UNC5C: variants seen among roughly 807,000 people sequenced by gnomAD.
UNC5C encodes unc-5 netrin receptor C.
Under a neutral mutation model 99.8 loss-of-function variants are expected in UNC5C, and 47 were observed. That is an observed-to-expected ratio of 0.47 (90% CI 0.37 to 0.60). UNC5C has a LOEUF of 0.60. Ranked by LOEUF, UNC5C falls within the 20% of genes least tolerant of loss-of-function variation. The probability of loss-of-function intolerance (pLI) is 0.00; values close to 1 mark genes in which losing one functional copy is unlikely to be tolerated. For missense variants in UNC5C, 1,062 were observed against 1,165.9 expected, an observed-to-expected ratio of 0.91 and a Z score of 1.30; for synonymous variants, 487 against 452.2, an observed-to-expected ratio of 1.08 and a Z score of -0.98.
chr4:95,442,539 C>G (rs1367750903), intron 1 of UNC5C, among the ~76,000 whole-genome samples: 1 of 151,354 alleles, frequency 6.6e-6, no homozygotes, highest in African/African-American at 2.4e-5. Flanking sequence ...GCTATGTTGC[C>G]CAGGCTGGCC....
chr4:95,410,861 C>T (rs1354142354), intron 1 of UNC5C, among the ~76,000 whole-genome samples: 5 of 152,132 alleles, frequency 3.3e-5, no homozygotes, highest in African/African-American at 9.7e-5. Flanking sequence ...CTAGCTCTGC[C>T]TCAGGGTTGA....
chr4:95,397,082 C>CT (rs1745535147), intron 1 of UNC5C, among the ~76,000 whole-genome samples: 1 of 152,104 alleles, frequency 6.6e-6, no homozygotes, highest in Admixed American at 6.6e-5. Flanking sequence ...GGTGGGCAGT[C>CT]TTGTGTGTAT....
At chr4:95,355,728 T>C in intron 1 of UNC5C, among the ~76,000 whole-genome samples, 1 of 152,078 alleles carries the variant, frequency 6.6e-6, no homozygotes, top group East Asian at 1.9e-4. Flanking sequence ...GGACTCTTGG[T>C]ACATAGCAAA....
At chr4:95,277,380 G>A (rs1160282397) in intron 4 of UNC5C, among the ~76,000 whole-genome samples, 2 of 152,176 alleles carry the variant, frequency 1.3e-5, no homozygotes, top group Non-Finnish European at 2.9e-5. Flanking sequence ...ATGTGTGCTT[G>A]GACTTGTAGG....
intron 14 of UNC5C, among the ~76,000 whole-genome samples, chr4:95,175,578 C>G (rs896139543): frequency 2.0e-5 from 3 of 152,176 alleles, no homozygotes; most frequent in Non-Finnish European, 4.4e-5. Flanking sequence ...GGCCCCCACT[C>G]CCTTCTGGCT....
At chr4:95,422,088 C>T (rs540607493) in intron 1 of UNC5C, among the ~76,000 whole-genome samples, 1 of 152,216 alleles carries the variant, frequency 6.6e-6, no homozygotes, top group Non-Finnish European at 1.5e-5. Context: ...TTCAAGACCT[C>T]ACTGACGACA....
chr4:95,436,409 C>T (rs1230615270), intron 1 of UNC5C, among the ~76,000 whole-genome samples: 1 of 151,928 alleles, frequency 6.6e-6, no homozygotes, highest in Non-Finnish European at 1.5e-5. Flanking sequence ...AAACAAAACT[C>T]ATAATTACTA....
Position 95,219,247 on chromosome 4 carries a change from A to G in UNC5C, c.1367T>C (p.Leu456Pro). The G allele has an allele frequency of 6.2e-7, 1 of 1,614,198 alleles. No homozygotes were observed. The highest frequency in any genetic ancestry group is 8.5e-7 in the Non-Finnish European group (1 of 1,180,032). ...TGGGATTTTGTCTGAGACGTCATGC[A>G]GGGCATAGACAGGTCCTCTGTACAT... ...AAMYRGPVYA[L>P]HDVSDKIPMT... The change falls in exon 9 of 16, where the codon CTG becomes CCG. Residue 456 changes from leucine to proline, a missense_variant. Around this residue, in one of 3 missense-constraint regions of UNC5C, gnomAD observed 810 missense variants for 854.5 expected, o/e 0.95. Coordinates refer to ENST00000453304, the MANE Select transcript of UNC5C (RefSeq NM_003728.4).
rs140173104 is a variant in UNC5C, at chr4:95,305,993, A to C, written c.347-4244T>G. 2.9e-4 allele frequency among the ~76,000 whole-genome samples: 44 copies of C among 152,272 alleles called. No homozygotes were observed. The East Asian group carries it at 8.1e-3, about 28-fold the overall frequency. On this transcript the variant is annotated intron_variant, in intron 2 of 15. Coordinates refer to ENST00000453304, the MANE Select transcript of UNC5C (RefSeq NM_003728.4). Reference sequence around the variant, plus strand: ...AATACTGTTTTTCTAGGATACTACCATAAAGTGAGCACAAATACATGCTTA... The same window carrying C: ...AATACTGTTTTTCTAGGATACTACCCTAAAGTGAGCACAAATACATGCTTA...
intron 4 of UNC5C, among the ~76,000 whole-genome samples, chr4:95,251,600 C>T (rs1011050273): frequency 1.3e-5 from 2 of 152,152 alleles, no homozygotes; most frequent in Non-Finnish European, 2.9e-5. Context: ...ACAGTTTTTT[C>T]CATAAAGCAA....
At chr4:95,259,805 G>A (rs929637304) in intron 4 of UNC5C, among the ~76,000 whole-genome samples, 1 of 152,002 alleles carries the variant, frequency 6.6e-6, no homozygotes, top group Non-Finnish European at 1.5e-5. Context: ...TGGTAATGAG[G>A]CATAAATGAT....
intron 1 of UNC5C, among the ~76,000 whole-genome samples, chr4:95,469,057 A>C (rs1747886111): frequency 6.6e-6 from 1 of 152,012 alleles, no homozygotes; most frequent in Non-Finnish European, 1.5e-5. Flanking sequence ...TCCAGTCATA[A>C]CCCTGACTGC....
chr4:95,416,943 G>A (rs1374381088), intron 1 of UNC5C, among the ~76,000 whole-genome samples: 2 of 152,180 alleles, frequency 1.3e-5, no homozygotes, highest in Non-Finnish European at 2.9e-5. Flanking sequence ...TTCTGGTCCA[G>A]AAATTTAAAG....
chr4:95,291,713 C>T (rs1741460820), intron 3 of UNC5C, among the ~76,000 whole-genome samples: 1 of 151,954 alleles, frequency 6.6e-6, no homozygotes, highest in Non-Finnish European at 1.5e-5. Flanking sequence ...TAGGAATAAC[C>T]TGATAATACA....
chr4:95,223,090 C>T (rs1194228009), intron 7 of UNC5C, among the ~76,000 whole-genome samples: 1 of 151,932 alleles, frequency 6.6e-6, no homozygotes, highest in Non-Finnish European at 1.5e-5. Context: ...TGGAAACTAA[C>T]AATAATAATG....
intron 4 of UNC5C, among the ~76,000 whole-genome samples, chr4:95,276,248 G>A (rs941644634): frequency 2.0e-5 from 3 of 152,102 alleles, no homozygotes; most frequent in Non-Finnish European, 1.5e-5. Flanking sequence ...GCCTGCTCTT[G>A]AGCATGTATG....
At chr4:95,184,886 G>A (rs995210432) in intron 13 of UNC5C, among the ~76,000 whole-genome samples, 161 bp downstream of exon 13, 1 of 152,142 alleles carries the variant, frequency 6.6e-6, no homozygotes, top group African/African-American at 2.4e-5. Flanking sequence ...CCTCAAATAT[G>A]TCTGTGTTTC....
intron 1 of UNC5C, among the ~76,000 whole-genome samples, chr4:95,396,357 T>C (rs1466718383): frequency 6.6e-6 from 1 of 152,212 alleles, no homozygotes; most frequent in Non-Finnish European, 1.5e-5. Flanking sequence ...ATTTACTAAG[T>C]CTGTGAGATA....
chr4:95,381,710 A>T (rs1377095365), intron 1 of UNC5C, among the ~76,000 whole-genome samples: 1 of 152,216 alleles, frequency 6.6e-6, no homozygotes, highest in African/African-American at 2.4e-5. Context: ...ATCTGAAATT[A>T]TTGCATGATG....
Sources: gnomAD v4.1 joint callset for allele counts (sites outside exome capture counted in the v4.1 genomes callset) on GRCh38, gnomAD v4.1.1 for gene constraint, gnomAD v4.1.1 regional missense constraint, MANE v1.5 for transcripts, NCBI Gene and HGNC (gene_info 2026-07-23, HGNC 2026-07-21) for gene names.